The following ALK variants were observed in gnomAD, a reference collection of about 807,000 sequenced individuals.
ALK encodes ALK receptor tyrosine kinase.
In ALK, 74 loss-of-function variants were observed where a neutral mutation model predicts 163.1. The observed-to-expected ratio is 0.45, with a 90% CI of 0.38 to 0.55. ALK has a LOEUF of 0.55. Among genes scored for constraint, ALK ranks in the 20% least tolerant of loss-of-function variants. The probability of loss-of-function intolerance (pLI) is 0.00; values close to 1 mark genes in which losing one functional copy is unlikely to be tolerated. For missense variants in ALK, 2,063 were observed against 2,105.3 expected, an observed-to-expected ratio of 0.98 and a Z score of 0.39; for synonymous variants, 960 against 843.2, an observed-to-expected ratio of 1.14 and a Z score of -2.40.
At chr2:29,403,971 A>C (rs1669516203) in intron 4 of ALK, among the ~76,000 whole-genome samples, 2 of 151,978 alleles carry the variant, frequency 1.3e-5, no homozygotes, top group Non-Finnish European at 2.9e-5. Flanking sequence ...TACAGCACTG[A>C]CATCCTTGCA....
intron 4 of ALK, among the ~76,000 whole-genome samples, chr2:29,504,519 G>A (rs1411078138): frequency 6.6e-6 from 1 of 152,178 alleles, no homozygotes; most frequent in Non-Finnish European, 1.5e-5. Flanking sequence ...GGTGGCTTGG[G>A]CTAGGATGGT....
intron 1 of ALK, among the ~76,000 whole-genome samples, chr2:29,734,004 A>G (rs926253246): frequency 6.6e-6 from 1 of 152,036 alleles, no homozygotes; most frequent in Non-Finnish European, 1.5e-5. Context: ...ATGCTTACAA[A>G]AGCTGTCAGT....
chr2:29,822,310 T>C (rs1484535323), intron 1 of ALK, among the ~76,000 whole-genome samples: 2 of 152,118 alleles, frequency 1.3e-5, no homozygotes, highest in Admixed American at 1.3e-4. Context: ...TGGCAGTTTA[T>C]AGGATCAGCC....
chr2:29,649,239 AG>A (rs1237634248), intron 3 of ALK, among the ~76,000 whole-genome samples: 73 of 151,494 alleles, frequency 4.8e-4, no homozygotes, highest in Admixed American at 2.4e-3. Context: ...AGAGAGAGAG[AG>A]AGAAAGTGCG....
chr2:29,815,971 G>A (rs1166697791), intron 1 of ALK, among the ~76,000 whole-genome samples: 3 of 152,214 alleles, frequency 2.0e-5, no homozygotes, highest in East Asian at 1.9e-4. Context: ...ACACAAGACC[G>A]GGAAGCAAGT....
At chr2:29,690,547 G>A (rs768139527) in intron 3 of ALK, among the ~76,000 whole-genome samples, 10 of 152,098 alleles carry the variant, frequency 6.6e-5, no homozygotes, top group East Asian at 3.8e-4. Flanking sequence ...CCAAAACACC[G>A]GAAGCAGTTA....
intron 1 of ALK, among the ~76,000 whole-genome samples, chr2:29,866,489 G>T (rs1301820123): frequency 6.6e-6 from 1 of 152,178 alleles, no homozygotes; most frequent in Admixed American, 6.5e-5. Flanking sequence ...AGAGCTGGCG[G>T]GTTTAGCGGA....
intron 1 of ALK, among the ~76,000 whole-genome samples, chr2:29,827,675 G>C (rs1340370770): frequency 6.6e-6 from 1 of 152,062 alleles, no homozygotes; most frequent in Non-Finnish European, 1.5e-5. Flanking sequence ...GAGAATGAAA[G>C]ATGAAGATGG....
At chr2:29,407,093 A>T (rs1669603688) in intron 4 of ALK, among the ~76,000 whole-genome samples, 1 of 152,100 alleles carries the variant, frequency 6.6e-6, no homozygotes, top group African/African-American at 2.4e-5. Flanking sequence ...CTTGTGGTTC[A>T]TCCTCAGTCC....
chr2:29,731,405 A>G (rs1042426400), intron 1 of ALK, among the ~76,000 whole-genome samples: 8 of 152,204 alleles, frequency 5.3e-5, no homozygotes, highest in South Asian at 2.1e-4. Context: ...AGGTTTGAGC[A>G]TAAACTCGGA....
At chr2:29,919,659 T>C (rs1036535330) in intron 1 of ALK, among the ~76,000 whole-genome samples, 12 of 152,102 alleles carry the variant, frequency 7.9e-5, no homozygotes, top group Non-Finnish European at 1.6e-4. Flanking sequence ...CTGGAAGTAA[T>C]CGGGGCATTT....
intron 1 of ALK, among the ~76,000 whole-genome samples, chr2:29,909,904 G>C (rs113957609): frequency 0.031 from 3,947 of 128,742 alleles, 162 homozygotes; most frequent in African/African-American, 0.11. Context: ...AACTGTCAAA[G>C]AAAATTCAAA....
intron 2 of ALK, among the ~76,000 whole-genome samples, chr2:29,711,641 G>A (rs556971799): frequency 1.3e-5 from 2 of 152,254 alleles, no homozygotes; most frequent in East Asian, 1.9e-4. Flanking sequence ...GGTTGTGGGA[G>A]GGCCTCTGAA....
chr2:29,889,695 CAGAGAGAGAGAGAGAGAGAGAGAGAG>C (rs869083201), intron 1 of ALK, among the ~76,000 whole-genome samples: 5,487 of 101,970 alleles, frequency 0.054, 296 homozygotes, highest in South Asian at 0.16. Flanking sequence ...GATAGATAGA[CAGAGAGAGAGAGAGAGAGAGAGAGAG>C]AGAGAGAGAG....
At chr2:29,708,081 T>A (rs1678965634) in intron 2 of ALK, among the ~76,000 whole-genome samples, 1 of 152,200 alleles carries the variant, frequency 6.6e-6, no homozygotes, top group Non-Finnish European at 1.5e-5. Context: ...ATTGATTTAA[T>A]TTTTGAGATA....
intron 18 of ALK, among the ~76,000 whole-genome samples, chr2:29,226,249 C>T (rs1280512836): frequency 6.6e-6 from 1 of 151,814 alleles, no homozygotes; most frequent in African/African-American, 2.4e-5. Flanking sequence ...GAGGCCGAGG[C>T]GGGTGAATCA....
At chr2:29,329,586 C>T (rs532687606) in intron 5 of ALK, among the ~76,000 whole-genome samples, 25 of 152,334 alleles carry the variant, frequency 1.6e-4, no homozygotes, top group Non-Finnish European at 2.8e-4. Context: ...GGAAGATGAA[C>T]TAGGACCCCA....
intron 3 of ALK, among the ~76,000 whole-genome samples, chr2:29,677,680 T>C (rs954099429): frequency 6.6e-6 from 1 of 152,068 alleles, no homozygotes; most frequent in Non-Finnish European, 1.5e-5. Context: ...AAATATGGTT[T>C]GTAATATTTT....
At chr2:29,523,833 A>G (rs1483780115) in intron 4 of ALK, among the ~76,000 whole-genome samples, 3 of 149,854 alleles carry the variant, frequency 2.0e-5, no homozygotes, top group African/African-American at 7.4e-5. Context: ...CAAATCTCGA[A>G]GGTCAGAACT....
Sources: allele counts gnomAD v4.1 joint callset (sites outside exome capture counted in the v4.1 genomes callset), GRCh38; gene constraint gnomAD v4.1.1; transcripts MANE v1.5; gene names NCBI Gene and HGNC (gene_info 2026-07-23, HGNC 2026-07-21).